AFG1L: variants seen among roughly 807,000 people sequenced by gnomAD.
AFG1L encodes the protein AFG1 like ATPase, also known as AFG1-like ATPase.
A neutral mutation model predicts 62.2 loss-of-function variants in AFG1L; 53 were observed. That is an observed-to-expected ratio of 0.85 (90% CI 0.68 to 1.07). The LOEUF is 1.07. AFG1L is among the 50% of genes least tolerant of loss of function. The probability of loss-of-function intolerance (pLI) is 0.00; values close to 1 mark genes in which losing one functional copy is unlikely to be tolerated. For missense variants in AFG1L, 555 were observed against 590.5 expected (o/e 0.94, Z 0.62); for synonymous variants, 228 against 210.3 (o/e 1.08, Z -0.73).
intron 6 of AFG1L, among the ~76,000 whole-genome samples, chr6:108,369,358 A>G (rs1251762192): frequency 6.6e-6 from 1 of 152,222 alleles, no homozygotes; most frequent in Non-Finnish European, 1.5e-5. Flanking sequence ...AATTAAAAAC[A>G]AATGACATGG....
chr6:108,429,336 A>G (rs77617034), intron 7 of AFG1L, among the ~76,000 whole-genome samples: 1 of 152,196 alleles, frequency 6.6e-6, no homozygotes, highest in East Asian at 1.9e-4. Context: ...GAGCAAAGTC[A>G]TATTTTACAT....
chr6:108,511,013 G>A (rs1365941808), intron 11 of AFG1L, among the ~76,000 whole-genome samples: 1 of 151,292 alleles, frequency 6.6e-6, no homozygotes, highest in Non-Finnish European at 1.5e-5. Flanking sequence ...GGAGTTCAAG[G>A]TTACAGTAGT....
chr6:108,316,380 CAAAAAAAAAAAAA>C (rs768461563), intron 1 of AFG1L, among the ~76,000 whole-genome samples: 9 of 18,820 alleles, frequency 4.8e-4, no homozygotes, highest in South Asian at 2.4e-3. Context: ...GACTCCGTCT[CAAAAAAAAAAAAA>C]AAAAAAAAAA....
At chr6:108,418,081 C>T (rs1021478980) in intron 7 of AFG1L, among the ~76,000 whole-genome samples, 1 of 152,110 alleles carries the variant, frequency 6.6e-6, no homozygotes, top group Non-Finnish European at 1.5e-5. Context: ...ATCCACCTGC[C>T]TCGGCCTCCC....
rs1431365305 is a variant in AFG1L, at chr6:108,485,674, T to C, written c.1062+8382T>C. ...TATATATATTTTTTTTTTTTTTTTT[T>C]TTTTTTTTTTTTGAGAGAGAGGGTC... On this transcript the variant is annotated intron_variant, in intron 10 of 12. Coordinates refer to ENST00000368977, the MANE Select transcript of AFG1L (RefSeq NM_145315.5). Among the ~76,000 whole-genome samples, 112 of 89,706 alleles carry C rather than the reference T, an allele frequency of 1.2e-3. 2 individuals carry two copies. The highest frequency in any genetic ancestry group is 2.0e-3 in the South Asian group (5 of 2,478). The allele number at this position is 89,706 out of a possible 152,430, so 58.9% of individuals were successfully genotyped here. A position where few individuals can be genotyped will look rare whatever the true frequency, so the allele number is the denominator to read the frequency against.
At chr6:108,517,283 T>C (rs966396451) in intron 11 of AFG1L, among the ~76,000 whole-genome samples, 8 of 152,192 alleles carry the variant, frequency 5.3e-5, no homozygotes, top group African/African-American at 1.7e-4. Context: ...CAAAACAGCA[T>C]GTTACTGGTA....
intron 11 of AFG1L, 75 bp downstream of exon 11, chr6:108,510,427 G>C (rs1486658418): frequency 4.3e-6 from 5 of 1,152,786 alleles, no homozygotes; most frequent in Non-Finnish European, 1.2e-6. Context: ...TGGAAATCCT[G>C]ACTTAACATA....
intron 5 of AFG1L, among the ~76,000 whole-genome samples, chr6:108,363,173 G>T (rs1362781449): frequency 6.6e-6 from 1 of 152,132 alleles, no homozygotes; most frequent in African/African-American, 2.4e-5. Flanking sequence ...GATTACACTT[G>T]CAGAATGCTC....
chr6:108,323,143 T>A (rs1011543320), intron 1 of AFG1L, among the ~76,000 whole-genome samples: 1 of 152,212 alleles, frequency 6.6e-6, no homozygotes, highest in Non-Finnish European at 1.5e-5. Flanking sequence ...CACGTCTTTG[T>A]CTTGGTGCTT....
chr6:108,400,110 T>C (rs1582519763), intron 6 of AFG1L, among the ~76,000 whole-genome samples: 1 of 152,132 alleles, frequency 6.6e-6, no homozygotes, highest in East Asian at 1.9e-4. Flanking sequence ...TTTCCAAATA[T>C]AAGCTCGTGT....
At chr6:108,365,563 G>A (rs1178599814) in intron 5 of AFG1L, among the ~76,000 whole-genome samples, 2 of 147,960 alleles carry the variant, frequency 1.4e-5, no homozygotes, top group Non-Finnish European at 3.0e-5. Context: ...TGCTGGAAGT[G>A]ACTGCAGTGC....
chr6:108,350,480 G>A (rs2114434784), intron 3 of AFG1L, among the ~76,000 whole-genome samples: 1 of 152,268 alleles, frequency 6.6e-6, no homozygotes, highest in Admixed American at 6.5e-5. Flanking sequence ...TGAGATGATT[G>A]ACTCAGATGG....
At chr6:108,295,257 T>C (rs750038490) in intron 1 of AFG1L, 39 bp downstream of exon 1, 2 of 1,571,612 alleles carry the variant, frequency 1.3e-6, no homozygotes, top group South Asian at 1.1e-5. Flanking sequence ...GCCGACTGCA[T>C]ATGACTGGAG....
At chr6:108,326,947 C>CAA (rs554908377) in intron 2 of AFG1L, among the ~76,000 whole-genome samples, 3 of 141,350 alleles carry the variant, frequency 2.1e-5, no homozygotes, top group Admixed American at 7.1e-5. Flanking sequence ...GACTCCGTCT[C>CAA]AAAAAAAAAA....
chr6:108,522,378 A>G lies in AFG1L; in HGVS notation c.1399A>G (p.Met467Val). ...FQRTISRLTE[M>V]QTEQYWNEGD... Reference sequence around the variant, plus strand: ...GCGCACAATTTCCCGACTCACGGAAATGCAGACTGAACAGTACTGGAATGA... The same window carrying G: ...GCGCACAATTTCCCGACTCACGGAAGTGCAGACTGAACAGTACTGGAATGA... The change falls in exon 13 of 13, where the codon ATG (methionine) becomes GTG (valine). Residue 467 changes from methionine (M) to valine (V), a missense_variant. Transcript: ENST00000368977. 8 of 1,614,156 alleles carry G rather than the reference A, an allele frequency of 5.0e-6. No homozygotes were observed. The highest frequency in any genetic ancestry group is 1.1e-5 in the South Asian group (1 of 91,082).
At chr6:108,326,237 A>T (rs918908721) in intron 2 of AFG1L, among the ~76,000 whole-genome samples, 2 of 151,958 alleles carry the variant, frequency 1.3e-5, no homozygotes, top group African/African-American at 4.8e-5. Context: ...ATGCTCCACT[A>T]ATTTTTTAAT....
At chr6:108,472,505 C>T (rs1170660183) in intron 8 of AFG1L, among the ~76,000 whole-genome samples, 1 of 152,036 alleles carries the variant, frequency 6.6e-6, no homozygotes, top group African/African-American at 2.4e-5. Flanking sequence ...ATATATACAA[C>T]AAAAAAGTTT....
At chr6:108,419,402 T>A (rs903227980) in intron 7 of AFG1L, among the ~76,000 whole-genome samples, 1 of 152,162 alleles carries the variant, frequency 6.6e-6, no homozygotes, top group Non-Finnish European at 1.5e-5. Flanking sequence ...ATAACTAAAC[T>A]GGTGAAAAAT....
At chr6:108,410,046 C>T (rs1782030556) in intron 7 of AFG1L, among the ~76,000 whole-genome samples, 1 of 152,164 alleles carries the variant, frequency 6.6e-6, no homozygotes, top group African/African-American at 2.4e-5. Context: ...TGGCTCACAC[C>T]TGTAATCCTA....
Sources: gnomAD v4.1 joint callset for allele counts (sites outside exome capture counted in the v4.1 genomes callset) on GRCh38, gnomAD v4.1.1 for gene constraint, MANE v1.5 for transcripts, NCBI Gene and HGNC (gene_info 2026-07-23, HGNC 2026-07-21) for gene names.